The following STRIP1 variants were observed in gnomAD, a reference collection of about 807,000 sequenced individuals.
STRIP1 encodes striatin interacting protein 1, also known as striatin-interacting protein 1.
STRIP1 carries 63 observed loss-of-function variants against 106.2 expected under a neutral mutation model. That is an observed-to-expected ratio of 0.59 (90% CI 0.48 to 0.73). The LOEUF (loss-of-function observed/expected upper bound fraction) is 0.73, where lower values mean the gene tolerates loss of function less well. STRIP1 is among the 30% of genes least tolerant of loss of function. The pLI is 0.00. For missense variants in STRIP1, 857 were observed against 1,074.8 expected, an observed-to-expected ratio of 0.80 and a Z score of 2.83; for synonymous variants, 390 against 413.0, an observed-to-expected ratio of 0.94 and a Z score of 0.67.
chr1:110,038,644 A>G lies in STRIP1; in HGVS notation c.251-39A>G, dbSNP rs565722141. On this transcript the variant is annotated intron_variant, in intron 2 of 20. Transcript: ENST00000369795. Reference sequence around the variant, plus strand: ...ACTTGTGAGACCTGGTGTGCAATGCAGACATGGAACCAATGGTGACGAGAC... The same window carrying G: ...ACTTGTGAGACCTGGTGTGCAATGCGGACATGGAACCAATGGTGACGAGAC... The G allele has an allele frequency of 3.2e-6, 5 of 1,574,434 alleles. No individual in the cohort carries two copies. In the African/African-American group the frequency reaches 4.0e-5, roughly 13 times the overall value.
At chr1:110,041,980 A>T in intron 8 of STRIP1, 119 bp downstream of exon 8, 1 of 1,214,280 alleles carries the variant, frequency 8.2e-7, no homozygotes, top group Non-Finnish European at 1.2e-6. Flanking sequence ...GGTAAAAAAA[A>T]TTATTTAAAA....
upstream of STRIP1, chr1:110,034,557 G>A (rs533938774): frequency 7.0e-7 from 1 of 1,433,176 alleles, no homozygotes; most frequent in South Asian, 1.5e-5. Context: ...GGCGGCCAGG[G>A]AAATTTCCTG....
Position 110,039,248 on chromosome 1 carries a change from A to G in STRIP1, c.402A>G (p.Glu134=). The change falls in exon 4 of 21, where the codon GAA becomes GAG. Residue 134 remains glutamate, a synonymous_variant. Transcript: ENST00000369795. ...CCATGAGGCTCCTGGATGGCTTGGA[A>G]GTCACTGCCAGGGAGAAGAGACTCA... ...THAMRLLDGL[E]VTAREKRLKV... is the part of the protein sequence containing the mutation. 6.2e-7 allele frequency: 1 copy of G among 1,614,212 alleles called. No individual in the cohort carries two copies. Among genetic ancestry groups the G allele is most frequent in the Non-Finnish European group, 8.5e-7 (1 of 1,180,042 alleles).
chr1:110,047,485 G>A (rs1230933325), intron 13 of STRIP1, 57 bp from the exon 14 acceptor site: 1 of 1,434,254 alleles, frequency 7.0e-7, no homozygotes. Flanking sequence ...TAGGAAGCTG[G>A]CTCAGGAGAT....
chr1:110,039,720 C>T (rs1345335162), intron 5 of STRIP1: 2 of 1,023,730 alleles, frequency 2.0e-6, no homozygotes, highest in East Asian at 5.9e-5. Context: ...CCCTGCAGCT[C>T]CCTGATGCCA....
Position 110,051,958 on chromosome 1 carries a change from C to T in STRIP1, c.2266+71C>T, listed in dbSNP as rs982818786. 155 of 1,504,796 alleles carry T rather than the reference C, an allele frequency of 1.0e-4. No homozygotes were observed. The African/African-American group carries it at 1.7e-3, about 17-fold the overall frequency. The allele number at this position is 1,504,796 out of a possible 1,614,324, so 93.2% of individuals were successfully genotyped here. Reference sequence around the variant, plus strand: ...AAAGTGACATCTTTCACTCCCTGCCCGTGGTACTCAGGTACTTCTCTGCCC... The same window carrying T: ...AAAGTGACATCTTTCACTCCCTGCCTGTGGTACTCAGGTACTTCTCTGCCC... On this transcript the variant is annotated intron_variant, in intron 20 of 20. Transcript: ENST00000369795.
chr1:110,031,601 T>C (rs373492401), upstream of STRIP1: 63 of 152,262 alleles, frequency 4.1e-4, no homozygotes, highest in African/African-American at 1.5e-3. Flanking sequence ...CTGTTCAAGA[T>C]GGAGTTGCTG....
At chr1:110,046,632 G>A in intron 12 of STRIP1, 48 bp from the exon 13 acceptor site, 1 of 1,563,854 alleles carries the variant, frequency 6.4e-7, no homozygotes, top group Non-Finnish European at 8.8e-7. Context: ...AGGGAGTTTG[G>A]CCAGAGAATG....
chr1:110,050,144 G>T, intron 17 of STRIP1, 199 bp from the exon 18 acceptor site: 1 of 576,404 alleles, frequency 1.7e-6, no homozygotes, highest in Non-Finnish European at 3.1e-6. Context: ...CTGGCTACAG[G>T]GGTGCTTTAC....
In STRIP1 at chr1:110,043,850, A is replaced by G. The variant is rs1229877052; in HGVS notation, c.1280A>G (p.Lys427Arg). ...CCCAAAGGGCTCCCGTGGGCTCCCAAGGTCAGGTGAGTCTCAGACCTCCAG... is the reference window on the plus strand; with the variant it reads ...CCCAAAGGGCTCCCGTGGGCTCCCAGGGTCAGGTGAGTCTCAGACCTCCAG... ...TCPKGLPWAP[K>R]VREKDIEMFL... Residue 427 changes from lysine (K) to arginine (R), a missense_variant, in exon 10 of 21, where the codon AAG becomes AGG. Coordinates refer to ENST00000369795, the MANE Select transcript of STRIP1 (RefSeq NM_033088.4). 3.7e-6 allele frequency: 6 copies of G among 1,613,736 alleles called. No individual in the cohort carries two copies. In the Admixed American group the frequency reaches 1.0e-4, roughly 27 times the overall value.
intron 15 of STRIP1, 81 bp from the exon 16 acceptor site, chr1:110,049,031 C>T: frequency 6.4e-7 from 1 of 1,562,866 alleles, no homozygotes; most frequent in Admixed American, 1.7e-5. Context: ...CAGGGAGGCT[C>T]CGGAGTCCAT....
chr1:110,034,833 GGGCGA>G lies in STRIP1; in HGVS notation c.180+20_180+24del. 1 of 1,376,706 alleles carries G rather than the reference GGGCGA, an allele frequency of 7.3e-7. No individual in the cohort carries two copies. The highest frequency in any genetic ancestry group is 9.4e-7 in the Non-Finnish European group (1 of 1,065,032). The allele number at this position is 1,376,706 out of a possible 1,614,324, so 85.3% of individuals were successfully genotyped here. On this transcript the variant is annotated intron_variant, in intron 1 of 20. Coordinates refer to ENST00000369795, the MANE Select transcript of STRIP1 (RefSeq NM_033088.4). ...AGACTCAGAGGTCAGGAGCTTCGGG[GGGCGA>G]GGCTCGCACCGGGTCGGGCGGCGCC...
At chr1:110,052,412 C>T (rs1653340522) in intron 20 of STRIP1, among the ~76,000 whole-genome samples, 1 of 152,182 alleles carries the variant, frequency 6.6e-6, no homozygotes, top group Non-Finnish European at 1.5e-5. Flanking sequence ...CAGGCACATG[C>T]CACTGTGCCC....
chr1:110,034,697 C>G lies in STRIP1; in HGVS notation c.60C>G (p.Pro20=), dbSNP rs1007055556. ...PLIVNNKQPQ[P]PPPPPPAAAQ... ...TCGTGAACAACAAACAGCCCCAGCC[C>G]CCGCCACCTCCGCCGCCGGCAGCCG... The change falls in exon 1 of 21, where the codon CCC becomes CCG. Residue 20 remains proline (P), a synonymous_variant. Transcript: ENST00000369795. The G allele has an allele frequency of 2.0e-6, 3 of 1,513,728 alleles. No individual in the cohort carries two copies. The highest frequency in any genetic ancestry group is 2.2e-5 in the Admixed American group (1 of 45,520). 93.8% of individuals were successfully genotyped at this position (1,513,728 alleles called of 1,614,324 possible).
At chr1:110,037,267 T>C (rs1376842378) in intron 1 of STRIP1, among the ~76,000 whole-genome samples, 3 of 152,264 alleles carry the variant, frequency 2.0e-5, no homozygotes, top group Non-Finnish European at 4.4e-5. Context: ...TGGTGTGTTC[T>C]CAGTAATCAC....
Position 110,049,458 on chromosome 1 carries a change from A to G in STRIP1, c.1789-2A>G. The G allele has an allele frequency of 6.5e-7, 1 of 1,535,366 alleles. No homozygotes were observed. The highest frequency in any genetic ancestry group is 8.8e-7 in the Non-Finnish European group (1 of 1,139,452). The stretch of plus-strand genomic sequence containing the variant: ...TTTTTTTTTTTTTCCTGTTGGCTTC[A>G]GTTTGAATACATGGCCCAGCACCTG... On this transcript the variant is annotated splice_acceptor_variant, in intron 16 of 20. Transcript: ENST00000369795. LOFTEE classifies it high-confidence loss of function.
In STRIP1 at chr1:110,045,118, A is replaced by G. The variant is rs747406532; in HGVS notation, c.1416+40A>G. 14 of 1,593,800 alleles carry G rather than the reference A, an allele frequency of 8.8e-6. No individual in the cohort carries two copies. The East Asian group carries it at 2.0e-4, about 23-fold the overall frequency. On this transcript the variant is annotated intron_variant, in intron 12 of 20. Coordinates refer to ENST00000369795, the MANE Select transcript of STRIP1 (RefSeq NM_033088.4). ...GTGAGCTTTTGGCTTGTTTGGTCCT[A>G]AGTGAGTAGAGTGAAACCAGCCTGT...
chr1:110,049,656 G>A lies in STRIP1; in HGVS notation c.1889+96G>A, dbSNP rs1000182198. ...CTGTGTCCATTTTTCCAGCACCTACGAGCCAGCACTGTGCTAGGCATCAAG... is the reference window on the plus strand; with the variant it reads ...CTGTGTCCATTTTTCCAGCACCTACAAGCCAGCACTGTGCTAGGCATCAAG... On this transcript the variant is annotated intron_variant, in intron 17 of 20. Transcript: ENST00000369795. The A allele has an allele frequency of 2.7e-5, 22 of 826,552 alleles. No individual in the cohort carries two copies. In the African/African-American group the frequency reaches 3.2e-4, roughly 12 times the overall value. The allele number at this position is 826,552 out of a possible 1,614,324, so 51.2% of individuals were successfully genotyped here.
At position 110,039,349 on chromosome 1, in the gene STRIP1, A is replaced by G. The variant is rs1365553925; in HGVS notation, c.460+43A>G. 1.9e-6 allele frequency: 3 copies of G among 1,613,712 alleles called. No individual in the cohort carries two copies. In the African/African-American group the frequency reaches 4.0e-5, roughly 22 times the overall value. On this transcript the variant is annotated intron_variant, in intron 4 of 20. Coordinates refer to ENST00000369795, the MANE Select transcript of STRIP1 (RefSeq NM_033088.4). ...CCAGGGTTCCCTGGCACCTCTGCCC[A>G]CTCAGATGCAGGGAGGGGCTCAGTG...
Sources: gnomAD v4.1 joint callset for allele counts (sites outside exome capture counted in the v4.1 genomes callset) on GRCh38, gnomAD v4.1.1 for gene constraint, MANE v1.5 for transcripts, NCBI Gene and HGNC (gene_info 2026-07-23, HGNC 2026-07-21) for gene names.